Variants in PRR16 observed in about 807,000 individuals in gnomAD.
PRR16 encodes protein Largen.
In PRR16, 6 loss-of-function variants were observed where a neutral mutation model predicts 18.2. That is an observed-to-expected ratio of 0.33 (90% CI 0.18 to 0.65). PRR16 has a LOEUF of 0.65. Among genes scored for constraint, PRR16 ranks in the 30% least tolerant of loss-of-function variants. PRR16 has a pLI of 0.74. For synonymous variants in PRR16, 151 were observed against 147.8 expected, an observed-to-expected ratio of 1.02 and a Z score of -0.16; for missense variants, 412 against 376.6, an observed-to-expected ratio of 1.09 and a Z score of -0.78.
chr5:120,752,746 T>TA, the PRR16 span, among the ~76,000 whole-genome samples: 1 of 151,996 alleles, frequency 6.6e-6, no homozygotes, highest in Non-Finnish European at 1.5e-5. Context: ...CGTAGGTTTA[T>TA]AAATCAATTT....
chr5:120,649,119 C>T (rs150153118), intron 1 of PRR16, among the ~76,000 whole-genome samples: 84 of 152,134 alleles, frequency 5.5e-4, no homozygotes, highest in Non-Finnish European at 9.0e-4. Context: ...CACGCTGGCT[C>T]GAGCACACCA....
At chr5:120,501,790 A>G (rs1750462849) in intron 1 of PRR16, among the ~76,000 whole-genome samples, 1 of 151,886 alleles carries the variant, frequency 6.6e-6, no homozygotes, top group Non-Finnish European at 1.5e-5. Context: ...CCCTGTCTCA[A>G]CTAAAAATAC....
At chr5:120,628,949 C>T (rs7731003) in intron 1 of PRR16, among the ~76,000 whole-genome samples, 71,758 of 151,684 alleles carry the variant, frequency 0.47, 17,677 homozygotes, top group East Asian at 0.86. Context: ...TTGTGTGTCA[C>T]AGGGGTTTGG....
chr5:120,744,400 G>A, the PRR16 span, among the ~76,000 whole-genome samples: 1 of 152,188 alleles, frequency 6.6e-6, no homozygotes. Context: ...GGGTTGGAAG[G>A]GGATTGGGGA....
At chr5:120,693,651 T>C in the PRR16 span, among the ~76,000 whole-genome samples, 1 of 152,178 alleles carries the variant, frequency 6.6e-6, no homozygotes, top group African/African-American at 2.4e-5. Context: ...CTATGTATGG[T>C]CTCATAGGAA....
chr5:120,584,903 T>C (rs574813707), intron 1 of PRR16, among the ~76,000 whole-genome samples: 1 of 152,308 alleles, frequency 6.6e-6, no homozygotes, highest in South Asian at 2.1e-4. Context: ...CCAAGACTTG[T>C]AGACACTGGA....
At chr5:120,595,119 C>G (rs545454993) in intron 1 of PRR16, among the ~76,000 whole-genome samples, 1 of 152,124 alleles carries the variant, frequency 6.6e-6, no homozygotes, top group Non-Finnish European at 1.5e-5. Flanking sequence ...CAAATGGGAT[C>G]TAATTAAACC....
intron 1 of PRR16, among the ~76,000 whole-genome samples, chr5:120,592,214 G>A (rs1004509477): frequency 5.3e-5 from 8 of 152,140 alleles, no homozygotes; most frequent in African/African-American, 1.9e-4. Flanking sequence ...TCTGCATGCT[G>A]CTTCCAAAAG....
At chr5:120,520,529 G>T (rs1243647454) in intron 1 of PRR16, among the ~76,000 whole-genome samples, 2 of 152,212 alleles carry the variant, frequency 1.3e-5, no homozygotes, top group Non-Finnish European at 2.9e-5. Flanking sequence ...AAAGAACCCA[G>T]GGTGAGAGAA....
chr5:120,586,147 C>A (rs1261081323), intron 1 of PRR16, among the ~76,000 whole-genome samples: 1 of 148,432 alleles, frequency 6.7e-6, no homozygotes, highest in Non-Finnish European at 1.5e-5. Context: ...CACTCCAGCC[C>A]AGCAACAGAG....
intron 1 of PRR16, among the ~76,000 whole-genome samples, chr5:120,575,086 CAG>C (rs1045347573): frequency 5.9e-5 from 9 of 151,450 alleles, no homozygotes; most frequent in African/African-American, 2.2e-4. Flanking sequence ...TTGTTAATCT[CAG>C]AATATACCTT....
At chr5:120,596,163 G>A (rs766507741) in intron 1 of PRR16, among the ~76,000 whole-genome samples, 16 of 146,268 alleles carry the variant, frequency 1.1e-4, no homozygotes, top group Non-Finnish European at 1.9e-4. Flanking sequence ...TTAATCCATC[G>A]GCCATTGTGA....
the PRR16 span, among the ~76,000 whole-genome samples, chr5:120,703,032 G>T: frequency 6.6e-6 from 1 of 152,182 alleles, no homozygotes; most frequent in African/African-American, 2.4e-5. Context: ...TTTCACCTGG[G>T]TGCAGGCGGG....
intron 1 of PRR16, among the ~76,000 whole-genome samples, chr5:120,625,061 T>A (rs956728678): frequency 6.6e-6 from 1 of 152,190 alleles, no homozygotes; most frequent in Non-Finnish European, 1.5e-5. Context: ...TTGCCCAGTC[T>A]TGCATATGTC....
intron 1 of PRR16, among the ~76,000 whole-genome samples, chr5:120,623,082 A>G (rs1186140058): frequency 1.3e-5 from 2 of 152,178 alleles, no homozygotes; most frequent in Non-Finnish European, 2.9e-5. Context: ...ATTATTTTCA[A>G]CTATTTACAG....
the PRR16 span, among the ~76,000 whole-genome samples, chr5:120,787,709 T>C: frequency 1.3e-5 from 2 of 152,160 alleles, no homozygotes; most frequent in Non-Finnish European, 2.9e-5. Flanking sequence ...ACTGTACTCA[T>C]AGTTAATTGC....
At chr5:120,639,599 C>T (rs1398166547) in intron 1 of PRR16, among the ~76,000 whole-genome samples, 1 of 151,894 alleles carries the variant, frequency 6.6e-6, no homozygotes, top group East Asian at 1.9e-4. Context: ...GATACCATCT[C>T]ATACCAGTCA....
chr5:120,591,498 AT>A (rs539539956), intron 1 of PRR16, among the ~76,000 whole-genome samples: 54 of 152,036 alleles, frequency 3.6e-4, no homozygotes, highest in African/African-American at 1.2e-3. Context: ...GTGTATCTGC[AT>A]TTCATGGTGT....
At chr5:120,705,578 C>G in the PRR16 span, among the ~76,000 whole-genome samples, 1 of 152,074 alleles carries the variant, frequency 6.6e-6, no homozygotes, top group Non-Finnish European at 1.5e-5. Context: ...ATTTTCCACA[C>G]TAGCTTTAAC....
Sources: gnomAD v4.1 joint callset for allele counts (sites outside exome capture counted in the v4.1 genomes callset) on GRCh38, gnomAD v4.1.1 for gene constraint, MANE v1.5 for transcripts, NCBI Gene and HGNC (gene_info 2026-07-23, HGNC 2026-07-21) for gene names.